USP47: variants seen among roughly 807,000 people sequenced by gnomAD.
The protein encoded by USP47 is ubiquitin specific peptidase 47.
A neutral mutation model predicts 165.1 loss-of-function variants in USP47; 35 were observed. The observed-to-expected ratio is 0.21, with a 90% CI of 0.16 to 0.28. The LOEUF (loss-of-function observed/expected upper bound fraction) is 0.28. USP47 is among the 10% of genes least tolerant of loss of function. The pLI, the probability that USP47 is intolerant of heterozygous loss-of-function variation, is 1.00. For synonymous variants in USP47, 531 were observed against 544.5 expected, an observed-to-expected ratio of 0.98 and a Z score of 0.35; for missense variants, 1,277 against 1,607.4, an observed-to-expected ratio of 0.79 and a Z score of 3.52.
intron 1 of USP47, among the ~76,000 whole-genome samples, chr11:11,847,144 A>T (rs1346744774): frequency 6.6e-6 from 1 of 152,188 alleles, no homozygotes; most frequent in East Asian, 1.9e-4. Flanking sequence ...TAAAATATTA[A>T]GAGTTGCTAT....
In USP47 at chr11:11,957,915, C is replaced by T. The variant is rs1279779094; in HGVS notation, c.*1740C>T. ...ATTTGAAGAAAGCTATAGCATTTAGCGAAATTTGACTGAAGTAATGTTCTG... is the reference window on the plus strand; with the variant it reads ...ATTTGAAGAAAGCTATAGCATTTAGTGAAATTTGACTGAAGTAATGTTCTG... On this transcript the variant is annotated 3_prime_UTR_variant, in exon 28 of 28. Transcript: ENST00000527733. 10 of 151,890 alleles carry T rather than the reference C, an allele frequency of 6.6e-5. No homozygotes were observed. Among genetic ancestry groups the T allele is most frequent in the Non-Finnish European group, 1.2e-4 (8 of 68,012 alleles). 9.4% of individuals were successfully genotyped at this position (151,890 alleles called of 1,614,324 possible).
chr11:11,925,821 AT>A (rs1854201777), intron 11 of USP47, among the ~76,000 whole-genome samples: 1 of 152,018 alleles, frequency 6.6e-6, no homozygotes. Context: ...TTTGTTCCCA[AT>A]CTTAGAGGGA....
intron 18 of USP47, among the ~76,000 whole-genome samples, chr11:11,939,035 A>G (rs1274701464): frequency 1.3e-5 from 2 of 151,982 alleles, no homozygotes; most frequent in African/African-American, 4.8e-5. Context: ...AAGGTGATGA[A>G]TTAAATACTG....
intron 1 of USP47, among the ~76,000 whole-genome samples, chr11:11,866,625 C>T (rs932365362): frequency 6.6e-6 from 1 of 152,118 alleles, no homozygotes; most frequent in African/African-American, 2.4e-5. Context: ...CTTCTGGGGT[C>T]ACTTTCTTTT....
intron 10 of USP47, among the ~76,000 whole-genome samples, chr11:11,921,481 T>C (rs557979918): frequency 6.6e-6 from 1 of 151,830 alleles, no homozygotes; most frequent in African/African-American, 2.4e-5. Context: ...CTTTTGAGCC[T>C]CATTTCCAGA....
chr11:11,948,597 T>G (rs778640863), intron 22 of USP47, 39 bp downstream of exon 22: 1 of 1,499,752 alleles, frequency 6.7e-7, no homozygotes, highest in South Asian at 1.2e-5. Context: ...GGTTACTTTT[T>G]ACAGTTACTG....
At chr11:11,930,774 G>A (rs1854609231) in intron 14 of USP47, 23 bp downstream of exon 14, 1 of 1,582,762 alleles carries the variant, frequency 6.3e-7, no homozygotes, top group African/African-American at 1.4e-5. Flanking sequence ...ACAGTTATTT[G>A]ATTTTAATTT....
At position 11,956,414 on chromosome 11, in the gene USP47, A is replaced by T. The variant is rs1000191527; in HGVS notation, c.*239A>T. The T allele has an allele frequency of 4.9e-5, 16 of 329,834 alleles. No individual in the cohort carries two copies. Among genetic ancestry groups the T allele is most frequent in the Non-Finnish European group, 6.6e-5 (12 of 182,720 alleles). The allele number at this position is 329,834 out of a possible 1,614,324, so 20.4% of individuals were successfully genotyped here. On this transcript the variant is annotated 3_prime_UTR_variant, in exon 28 of 28. Transcript: ENST00000527733. ...AGTGAAAAGGGATGTGCAAAAAAAT[A>T]AAAAAAAACAACAAAAAAAGCTAAC...
intron 1 of USP47, among the ~76,000 whole-genome samples, chr11:11,875,036 TG>T (rs1716632911): frequency 3.3e-5 from 1 of 30,590 alleles, no homozygotes; most frequent in South Asian, 1.1e-3. Flanking sequence ...TGACTTATTG[TG>T]TGTGTGTGTG....
At position 11,936,422 on chromosome 11, in the gene USP47, A is replaced by C; in HGVS notation, c.1989A>C (p.Leu663=). The C allele has an allele frequency of 1.2e-6, 2 of 1,610,336 alleles. No homozygotes were observed. Among genetic ancestry groups the C allele is most frequent in the Non-Finnish European group, 1.7e-6 (2 of 1,177,494 alleles). ...EGEEDTPMGL[L]LGGVKSTYMF... Reference sequence around the variant, plus strand: ...AAGAAGATACACCAATGGGGCTTCTACTAGGTGGCGTCAAGTCAACATATA... The same window carrying C: ...AAGAAGATACACCAATGGGGCTTCTCCTAGGTGGCGTCAAGTCAACATATA... Residue 663 remains leucine, a synonymous_variant, in exon 17 of 28, where the codon CTA becomes CTC. Coordinates refer to ENST00000527733, the MANE Select transcript of USP47 (RefSeq NM_001282659.2).
chr11:11,948,657 A>G, intron 22 of USP47, 99 bp downstream of exon 22: 1 of 1,205,198 alleles, frequency 8.3e-7, no homozygotes, highest in African/African-American at 1.5e-5. Flanking sequence ...TCTGAAGCAA[A>G]GGTCAGCAAA....
chr11:11,943,247 C>A, intron 20 of USP47, 135 bp downstream of exon 20: 1 of 1,000,000 alleles, frequency 1.0e-6, no homozygotes, highest in Non-Finnish European at 1.4e-6. Context: ...ATTATTGACG[C>A]AGTTGTAATG....
At chr11:11,917,603 A>G (rs1853519555) in intron 8 of USP47, among the ~76,000 whole-genome samples, 1 of 150,506 alleles carries the variant, frequency 6.6e-6, no homozygotes, top group Non-Finnish European at 1.5e-5. Context: ...GAGACCATTT[A>G]AAACTGGCAG....
Position 11,942,541 on chromosome 11 carries a change from A to G in USP47, c.2520A>G (p.Lys840=), listed in dbSNP as rs201785554. The change falls in exon 20 of 28, where the codon AAA becomes AAG. Residue 840 remains lysine, a synonymous_variant. Coordinates refer to ENST00000527733, the MANE Select transcript of USP47 (RefSeq NM_001282659.2). ...GNVDDDCERV[K]GPVGSLKSVE... ...TGGATGATGACTGTGAAAGAGTCAA[A>G]GGACCTGTAGGAAGCCTAAAGTCTG... is the stretch of plus-strand genomic sequence containing the variant. 215 of 1,613,518 alleles carry G rather than the reference A, an allele frequency of 1.3e-4. 1 individual carries two copies. Among genetic ancestry groups the G allele is most frequent in the Non-Finnish European group, 1.7e-4 (203 of 1,179,786 alleles).
chr11:11,853,001 G>C (rs1257815433), intron 1 of USP47, among the ~76,000 whole-genome samples: 1 of 152,062 alleles, frequency 6.6e-6, no homozygotes, highest in East Asian at 1.9e-4. Flanking sequence ...ACATGAAAAT[G>C]ACTATTTGAA....
At chr11:11,891,641 A>C (rs1303028060) in intron 3 of USP47, among the ~76,000 whole-genome samples, 1 of 152,194 alleles carries the variant, frequency 6.6e-6, no homozygotes, top group Non-Finnish European at 1.5e-5. Context: ...CTTGTCAGAG[A>C]CAGTAGGAAA....
chr11:11,952,337 G>A (rs1176917082), intron 24 of USP47: 1 of 152,368 alleles, frequency 6.6e-6, no homozygotes, highest in African/African-American at 2.4e-5. Context: ...AAATTGGGGA[G>A]TAAATGGAAA....
In USP47 at chr11:11,929,546, A is replaced by G. The variant is rs1477350072; in HGVS notation, c.1499A>G (p.Asn500Ser). 12 of 1,613,014 alleles carry G rather than the reference A, an allele frequency of 7.4e-6. No individual in the cohort carries two copies. The highest frequency in any genetic ancestry group is 1.6e-4 in the Middle Eastern group (1 of 6,078). The change falls in exon 12 of 28, where the codon AAT (asparagine) becomes AGT (serine). Residue 500 changes from asparagine (N) to serine (S), a missense_variant. Asn to Ser is a conservative substitution (Grantham distance 46, BLOSUM62 1). Transcript: ENST00000527733. ...SFSDEQWYSF[N>S]DQHVSRITQE... ...AGTGATGAGCAGTGGTACAGCTTCA[A>G]TGATCAACATGTCAGCAGGGTAAGG... is the stretch of plus-strand genomic sequence containing the variant.
chr11:11,874,204 A>G (rs976784994), intron 1 of USP47, among the ~76,000 whole-genome samples: 78 of 152,206 alleles, frequency 5.1e-4, no homozygotes, highest in African/African-American at 1.9e-3. Context: ...GTCAAAATCC[A>G]GAAATCCTAT....
Sources: allele counts gnomAD v4.1 joint callset (sites outside exome capture counted in the v4.1 genomes callset), GRCh38; gene constraint gnomAD v4.1.1; transcripts MANE v1.5; gene names NCBI Gene and HGNC (gene_info 2026-07-23, HGNC 2026-07-21).